Variants in ASTN2 observed in about 807,000 individuals in gnomAD.
ASTN2 encodes the protein astrotactin-2.
ASTN2 carries 54 observed loss-of-function variants against 139.8 expected under a neutral mutation model. The ratio of observed to expected loss-of-function variants is 0.39; its 90% CI spans 0.31 to 0.48. The LOEUF (loss-of-function observed/expected upper bound fraction) is 0.48. ASTN2 is among the 20% of genes least tolerant of loss of function. ASTN2 has a pLI of 0.95. For synonymous variants in ASTN2, 756 were observed against 719.5 expected (o/e 1.05, Z -0.81); for missense variants, 1,565 against 1,725.1 (o/e 0.91, Z 1.64).
At chr9:117,281,631 T>C (rs1049857012) in intron 2 of ASTN2, among the ~76,000 whole-genome samples, 1 of 152,126 alleles carries the variant, frequency 6.6e-6, no homozygotes, top group African/African-American at 2.4e-5. Context: ...GGGAGGAAAA[T>C]GTGGAACAGG....
At chr9:117,037,845 T>C (rs1307894933) in intron 6 of ASTN2, among the ~76,000 whole-genome samples, 5 of 152,162 alleles carry the variant, frequency 3.3e-5, no homozygotes, top group Non-Finnish European at 7.3e-5. Context: ...ACAATTCTTC[T>C]AGCTGCGTAA....
Position 116,557,210 on chromosome 9 carries a change from C to T in ASTN2, c.3355+61114G>A, listed in dbSNP as rs551165861. Among the ~76,000 whole-genome samples, 360 of 106,062 alleles carry T rather than the reference C, an allele frequency of 3.4e-3. 5 individuals are homozygous for T. Among genetic ancestry groups the T allele is most frequent in the African/African-American group, 0.013 (339 of 25,546 alleles). 69.6% of individuals were successfully genotyped at this position (106,062 alleles called of 152,430 possible). ...CTGTGCTCCAGCCTGGGCAACAGAG[C>T]GAGACTCTGTCTCAAAAAAAAAAAA... On this transcript the variant is annotated intron_variant, in intron 19 of 22. Transcript: ENST00000313400.
intron 20 of ASTN2, among the ~76,000 whole-genome samples, chr9:116,452,086 T>A (rs1848194005): frequency 6.6e-6 from 1 of 152,190 alleles, no homozygotes. Flanking sequence ...CACATTTTAA[T>A]ATGCTGTTTT....
At chr9:117,338,023 A>G (rs1828940050) in intron 1 of ASTN2, among the ~76,000 whole-genome samples, 1 of 152,172 alleles carries the variant, frequency 6.6e-6, no homozygotes, top group Admixed American at 6.6e-5. Flanking sequence ...CCTTATTCAT[A>G]TAAAAAATAA....
At chr9:117,201,366 T>A (rs974456914) in intron 3 of ASTN2, among the ~76,000 whole-genome samples, 3 of 151,910 alleles carry the variant, frequency 2.0e-5, no homozygotes, top group Admixed American at 1.3e-4. Flanking sequence ...CATGTCTCTA[T>A]CTCCTTCAAT....
At position 117,214,682 on chromosome 9, in the gene ASTN2, G is replaced by T. The variant is rs767177206; in HGVS notation, c.691C>A (p.Arg231=). The T allele has an allele frequency of 1.9e-6, 3 of 1,541,592 alleles. No homozygotes were observed. Among genetic ancestry groups the T allele is most frequent in the Admixed American group, 1.8e-5 (1 of 55,178 alleles). ...LVFTVALYAQ[R]RWQKRRRIPQ... ...ATGCGGCGACGCTTCTGCCAACGTC[G>T]CTGGGCGTACAGCGCCACGGTGAAC... Residue 231 remains arginine, a synonymous_variant, in exon 3 of 23, where the codon CGA becomes AGA. Coordinates refer to ENST00000313400, the MANE Select transcript of ASTN2 (RefSeq NM_001365068.1).
intron 20 of ASTN2, among the ~76,000 whole-genome samples, chr9:116,480,665 T>C (rs1339181294): frequency 1.3e-5 from 2 of 152,160 alleles, no homozygotes; most frequent in Admixed American, 6.5e-5. Context: ...CAAAGGAAGA[T>C]GTCTCTAAAG....
At chr9:117,396,011 A>T (rs1468571168) in intron 1 of ASTN2, among the ~76,000 whole-genome samples, 1 of 152,138 alleles carries the variant, frequency 6.6e-6, no homozygotes, top group Non-Finnish European at 1.5e-5. Context: ...CAGTTTTCTC[A>T]TCTATAAAAT....
chr9:116,516,335 T>C (rs1850647437), intron 19 of ASTN2, among the ~76,000 whole-genome samples: 1 of 152,202 alleles, frequency 6.6e-6, no homozygotes, highest in African/African-American at 2.4e-5. Flanking sequence ...GCAGCTAACA[T>C]GTTTGAGAGA....
chr9:116,486,446 G>C (rs34804463), intron 20 of ASTN2, among the ~76,000 whole-genome samples: 23,512 of 152,158 alleles, frequency 0.15, 2,269 homozygotes, highest in Middle Eastern at 0.23. Context: ...AGGGCAAGAG[G>C]GAGGGATAAA....
intron 3 of ASTN2, among the ~76,000 whole-genome samples, chr9:117,147,071 A>G (rs574283395): frequency 6.6e-6 from 1 of 152,272 alleles, no homozygotes; most frequent in East Asian, 1.9e-4. Context: ...AATAAGGGAT[A>G]AAAGGGGGTG....
intron 1 of ASTN2, among the ~76,000 whole-genome samples, chr9:117,391,793 C>A (rs1044292787): frequency 2.0e-5 from 3 of 152,132 alleles, no homozygotes; most frequent in Non-Finnish European, 4.4e-5. Flanking sequence ...CACCTTTGAG[C>A]CTGTAAAATC....
At chr9:116,514,228 C>T (rs1024297531) in intron 19 of ASTN2, among the ~76,000 whole-genome samples, 1 of 149,156 alleles carries the variant, frequency 6.7e-6, no homozygotes, top group African/African-American at 2.5e-5. Flanking sequence ...CAGTCAGGAC[C>T]CTCAGCTGCA....
chr9:117,257,193 G>A (rs542580477), intron 2 of ASTN2, among the ~76,000 whole-genome samples: 51 of 152,216 alleles, frequency 3.4e-4, no homozygotes, highest in African/African-American at 1.2e-3. Flanking sequence ...AGAAAATGCT[G>A]GTCCTGATTC....
chr9:116,695,657 C>G (rs1398407196), intron 16 of ASTN2, among the ~76,000 whole-genome samples: 2 of 152,196 alleles, frequency 1.3e-5, no homozygotes, highest in Admixed American at 6.5e-5. Flanking sequence ...TGCACAGATA[C>G]AGCTGTAGGA....
intron 22 of ASTN2, among the ~76,000 whole-genome samples, chr9:116,430,833 C>T (rs1228183940): frequency 2.6e-5 from 4 of 152,106 alleles, no homozygotes; most frequent in Admixed American, 1.3e-4. Flanking sequence ...AAGGAAGAGT[C>T]GGAGTGAGAG....
chr9:116,885,719 GTCACTT>G (rs1224739692), intron 10 of ASTN2, among the ~76,000 whole-genome samples: 6 of 152,034 alleles, frequency 3.9e-5, no homozygotes, highest in African/African-American at 1.4e-4. Context: ...TCTCTAAATA[GTCACTT>G]TCTGAGGTAC....
intron 10 of ASTN2, among the ~76,000 whole-genome samples, chr9:116,958,583 C>T (rs983338142): frequency 1.3e-5 from 2 of 151,866 alleles, no homozygotes; most frequent in Non-Finnish European, 2.9e-5. Flanking sequence ...AGCTGGACTC[C>T]GTCTCAAAAA....
chr9:116,686,692 G>A, intron 16 of ASTN2: 1 of 1,550,342 alleles, frequency 6.5e-7, no homozygotes, highest in South Asian at 1.2e-5. Flanking sequence ...TGGGTTCCCG[G>A]GTACCTTCAG....
Sources: allele counts gnomAD v4.1 joint callset (sites outside exome capture counted in the v4.1 genomes callset), GRCh38; gene constraint gnomAD v4.1.1; transcripts MANE v1.5; gene names NCBI Gene and HGNC (gene_info 2026-07-23, HGNC 2026-07-21).